SOS2: variants seen among roughly 807,000 people sequenced by gnomAD.
SOS2 encodes SOS Ras/Rho guanine nucleotide exchange factor 2.
A neutral mutation model predicts 148.2 loss-of-function variants in SOS2; 65 were observed. The observed-to-expected ratio is 0.44, with a 90% CI of 0.36 to 0.54. The LOEUF (loss-of-function observed/expected upper bound fraction) is 0.54, where lower values mean the gene tolerates loss of function less well. Among genes scored for constraint, SOS2 ranks in the 20% least tolerant of loss-of-function variants. The pLI, the probability that SOS2 is intolerant of heterozygous loss-of-function variation, is 0.00. For missense variants in SOS2, 1,341 were observed against 1,590.2 expected (o/e 0.84, Z 2.67); for synonymous variants, 539 against 537.1 (o/e 1.00, Z -0.05).
intron 3 of SOS2, among the ~76,000 whole-genome samples, chr14:50,200,432 A>G (rs912757180): frequency 6.6e-6 from 1 of 152,216 alleles, no homozygotes; most frequent in African/African-American, 2.4e-5. Context: ...AATTTTAAAG[A>G]CAGTTCTGAA....
rs1449090690 is a variant in SOS2 at position 50,139,936 on chromosome 14, A to G, written c.2785+6T>C. The G allele has an allele frequency of 1.4e-6, 2 of 1,400,220 alleles. No homozygotes were observed. Among genetic ancestry groups the G allele is most frequent in the Non-Finnish European group, 2.0e-6 (2 of 986,708 alleles). 86.7% of individuals were successfully genotyped at this position (1,400,220 alleles called of 1,614,324 possible). On this transcript the variant is annotated splice_donor_region_variant and intron_variant, in intron 17 of 22. Coordinates refer to ENST00000216373, the MANE Select transcript of SOS2 (RefSeq NM_006939.4). ...CCTCAAAATATATCCATATTTAGTA[A>G]CTTACCAAAAAAAGGCACACAAGGT...
rs534114457 is a variant in SOS2 at position 50,151,394 on chromosome 14, G to A, written c.2162-1164C>T. Among the ~76,000 whole-genome samples, 8 of 152,252 alleles carry A rather than the reference G, an allele frequency of 5.3e-5. 1 individual carries two copies. The South Asian group carries it at 1.7e-3, about 32-fold the overall frequency. ...GATTAATTTTATGACACAAATACTT[G>A]CCAAGAATACTTCTAACAGGAGGCA... On this transcript the variant is annotated intron_variant, in intron 13 of 22. Transcript: ENST00000216373.
intron 8 of SOS2, among the ~76,000 whole-genome samples, chr14:50,164,761 T>A (rs893877748): frequency 2.6e-5 from 4 of 152,228 alleles, no homozygotes; most frequent in African/African-American, 9.6e-5. Context: ...ACCCGGTGAA[T>A]TTAGCCACTA....
At chr14:50,167,029 G>A (rs1021864794) in intron 8 of SOS2, among the ~76,000 whole-genome samples, 3 of 151,822 alleles carry the variant, frequency 2.0e-5, no homozygotes, top group Admixed American at 6.6e-5. Context: ...GCAACATAGC[G>A]AGACTCCCTC....
At chr14:50,147,779 C>T (rs1749045123) in intron 14 of SOS2, among the ~76,000 whole-genome samples, 1 of 152,082 alleles carries the variant, frequency 6.6e-6, no homozygotes, top group South Asian at 2.1e-4. Flanking sequence ...AATTAAAATT[C>T]AGACAGAAGA....
intron 7 of SOS2, among the ~76,000 whole-genome samples, chr14:50,177,852 A>C (rs1178384905): frequency 6.6e-6 from 1 of 152,184 alleles, no homozygotes; most frequent in Non-Finnish European, 1.5e-5. Context: ...TAGGGTATCC[A>C]AGTGCATCAA....
At chr14:50,221,591 T>A (rs1887203055) in intron 1 of SOS2, among the ~76,000 whole-genome samples, 1 of 152,218 alleles carries the variant, frequency 6.6e-6, no homozygotes, top group South Asian at 2.1e-4. Flanking sequence ...TTTAAGTATC[T>A]TGCCTCTTCC....
chr14:50,120,151 C>T, intron 22 of SOS2, 124 bp downstream of exon 22: 3 of 583,428 alleles, frequency 5.1e-6, no homozygotes, highest in South Asian at 4.7e-5. Context: ...TCAAATATAA[C>T]AACCCAAATG....
chr14:50,158,339 C>G (rs919924269), intron 11 of SOS2, among the ~76,000 whole-genome samples: 18 of 152,188 alleles, frequency 1.2e-4, no homozygotes, highest in African/African-American at 3.9e-4. Context: ...CTAAATTAGT[C>G]TTTCTGATTA....
At chr14:50,197,082 A>G (rs372244439) in intron 4 of SOS2, among the ~76,000 whole-genome samples, 1 of 152,070 alleles carries the variant, frequency 6.6e-6, no homozygotes, top group East Asian at 1.9e-4. Flanking sequence ...CCAACTCCTG[A>G]GCTCAAGCGA....
intron 8 of SOS2, among the ~76,000 whole-genome samples, chr14:50,162,627 T>C (rs1885045637): frequency 6.6e-6 from 1 of 152,186 alleles, no homozygotes; most frequent in African/African-American, 2.4e-5. Flanking sequence ...GTACTAACTT[T>C]TAACACTTCA....
chr14:50,166,459 G>A (rs1005905825), intron 8 of SOS2, among the ~76,000 whole-genome samples: 2 of 151,998 alleles, frequency 1.3e-5, no homozygotes, highest in Admixed American at 6.6e-5. Context: ...AAATTCCTGA[G>A]CTCCAGCAAT....
chr14:50,143,135 A>G (rs2139568445), intron 16 of SOS2, among the ~76,000 whole-genome samples: 1 of 152,252 alleles, frequency 6.6e-6, no homozygotes, highest in East Asian at 1.9e-4. Flanking sequence ...CTAAGTTTTA[A>G]TATCTTTAAT....
intron 21 of SOS2, among the ~76,000 whole-genome samples, chr14:50,127,172 ACT>A (rs997624326): frequency 6.2e-5 from 8 of 128,144 alleles, no homozygotes; most frequent in Non-Finnish European, 1.1e-4. Flanking sequence ...ACAGAGTCTC[ACT>A]CTGTCGCCCC....
chr14:50,193,321 C>T (rs1886212137), intron 4 of SOS2, among the ~76,000 whole-genome samples: 1 of 151,962 alleles, frequency 6.6e-6, no homozygotes, highest in South Asian at 2.1e-4. Flanking sequence ...GGATTACAAG[C>T]GTGAACCACT....
At chr14:50,167,559 C>T (rs545841554) in intron 8 of SOS2, among the ~76,000 whole-genome samples, 1 of 150,548 alleles carries the variant, frequency 6.6e-6, no homozygotes, top group Non-Finnish European at 1.5e-5. Flanking sequence ...TGATAACAAG[C>T]AAATGTTGCA....
At chr14:50,167,578 A>T (rs1885207745) in intron 8 of SOS2, among the ~76,000 whole-genome samples, 1 of 151,832 alleles carries the variant, frequency 6.6e-6, no homozygotes, top group Non-Finnish European at 1.5e-5. Flanking sequence ...CATAATGTTA[A>T]CAACTGGTAG....
chr14:50,217,255 T>C (rs1317516856), intron 1 of SOS2, among the ~76,000 whole-genome samples: 2 of 152,102 alleles, frequency 1.3e-5, no homozygotes, highest in East Asian at 1.9e-4. Context: ...CAGATATCCA[T>C]ATACAAAAAA....
At chr14:50,132,224 G>C (rs1023146949) in intron 19 of SOS2, among the ~76,000 whole-genome samples, 1 of 151,914 alleles carries the variant, frequency 6.6e-6, no homozygotes, top group Non-Finnish European at 1.5e-5. Context: ...AATCAGTCAA[G>C]AGCAAAGGTT....
Sources: allele counts gnomAD v4.1 joint callset (sites outside exome capture counted in the v4.1 genomes callset), GRCh38; gene constraint gnomAD v4.1.1; transcripts MANE v1.5; gene names NCBI Gene and HGNC (gene_info 2026-07-23, HGNC 2026-07-21).